Variants in ABCA8 observed in about 807,000 individuals in gnomAD.
ABCA8 encodes ATP binding cassette subfamily A member 8, also known as ABC-type organic anion transporter ABCA8.
ABCA8 carries 177 observed loss-of-function variants against 192.3 expected under a neutral mutation model. The observed-to-expected ratio is 0.92, with a 90% CI of 0.81 to 1.04. ABCA8 has a LOEUF of 1.04. Ranked by LOEUF, ABCA8 falls within the 50% of genes least tolerant of loss-of-function variation. The pLI is 0.00. For missense variants in ABCA8, 1,915 were observed against 1,904.8 expected (o/e 1.01, Z -0.10); for synonymous variants, 642 against 690.2 (o/e 0.93, Z 1.09).
intron 23 of ABCA8, among the ~76,000 whole-genome samples, 173 bp from the exon 24 acceptor site, chr17:68,891,769 A>G (rs990792898): frequency 6.6e-6 from 1 of 152,180 alleles, no homozygotes; most frequent in East Asian, 1.9e-4. Context: ...TTGGCTTTCT[A>G]CTCAAATTTA....
intron 17 of ABCA8, among the ~76,000 whole-genome samples, chr17:68,915,588 C>T (rs1674116059): frequency 6.6e-6 from 1 of 152,116 alleles, no homozygotes. Flanking sequence ...TCATCTCACC[C>T]CAGTTAGAAT....
At chr17:68,900,759 T>C (rs768797652) in intron 21 of ABCA8, among the ~76,000 whole-genome samples, 23 of 152,074 alleles carry the variant, frequency 1.5e-4, no homozygotes, top group African/African-American at 2.2e-4. Flanking sequence ...ATTTATCCTA[T>C]AAATGCAAGG....
At chr17:68,873,281 C>T (rs2066113047) in intron 37 of ABCA8, among the ~76,000 whole-genome samples, 3 of 152,146 alleles carry the variant, frequency 2.0e-5, no homozygotes. Context: ...AGGTTTGTAG[C>T]CTAGGAGCAA....
chr17:68,916,834 T>C (rs772936373), intron 17 of ABCA8, among the ~76,000 whole-genome samples: 22 of 152,246 alleles, frequency 1.4e-4, no homozygotes, highest in Non-Finnish European at 2.6e-4. Context: ...TGCAGATATA[T>C]ATTTTTTAGT....
At chr17:68,883,681 C>G in intron 29 of ABCA8, 110 bp downstream of exon 29, 3 of 675,848 alleles carry the variant, frequency 4.4e-6, no homozygotes. Flanking sequence ...GGTTCCTACT[C>G]CAGCCTATCC....
intron 9 of ABCA8, 83 bp from the exon 10 acceptor site, chr17:68,928,146 G>T (rs914965800): frequency 1.1e-5 from 12 of 1,125,204 alleles, no homozygotes; most frequent in Admixed American, 8.6e-5. Context: ...GTAATGAAAT[G>T]ACTACTTATT....
At chr17:68,869,112 G>A (rs528447090) in intron 38 of ABCA8, among the ~76,000 whole-genome samples, 1 of 152,268 alleles carries the variant, frequency 6.6e-6, no homozygotes, top group East Asian at 1.9e-4. Context: ...CAGAGGATAA[G>A]CAAGCAAAGA....
rs2067221402 is a variant in ABCA8 at position 68,911,246 on chromosome 17, C to T, written c.2139-3367G>A. 6.6e-6 allele frequency among the ~76,000 whole-genome samples: 1 copy of T among 152,130 alleles called. No individual in the cohort carries two copies. Among genetic ancestry groups the T allele is most frequent in the Non-Finnish European group, 1.5e-5 (1 of 68,018 alleles). ...TGCTACCCAGGCCTGGCAGCATGTA[C>T]TACAAGCTGCCTGAAGTCCCTTGGG... On this transcript the variant is annotated intron_variant, in intron 17 of 39. Coordinates refer to ENST00000586539, the MANE Select transcript of ABCA8 (RefSeq NM_001288985.2). This position sits in a 1 kb window ranked among gnomAD's most constrained non-coding sequence, Gnocchi z 5.7.
intron 5 of ABCA8, among the ~76,000 whole-genome samples, chr17:68,935,341 T>C (rs1379805545): frequency 6.6e-6 from 1 of 150,570 alleles, no homozygotes. Context: ...GATCTCGAAC[T>C]CTTGAGCTCA....
intron 17 of ABCA8, among the ~76,000 whole-genome samples, chr17:68,914,454 T>C (rs2067303688): frequency 6.6e-6 from 1 of 151,978 alleles, no homozygotes; most frequent in South Asian, 2.1e-4. Context: ...AAGTTGCAGG[T>C]TACAAAATCA....
intron 17 of ABCA8, among the ~76,000 whole-genome samples, chr17:68,910,589 G>T (rs970428308): frequency 6.6e-6 from 1 of 152,108 alleles, no homozygotes; most frequent in Non-Finnish European, 1.5e-5. Context: ...AAAAGACCTC[G>T]AGAGACACCA....
intron 17 of ABCA8, among the ~76,000 whole-genome samples, chr17:68,909,662 TTC>T (rs1567851957): frequency 6.6e-6 from 1 of 152,112 alleles, no homozygotes; most frequent in African/African-American, 2.4e-5. Flanking sequence ...TTTAATTAAT[TTC>T]CAAGAAGAGA....
Position 68,935,362 on chromosome 17 carries a change from C to G in ABCA8, c.466+1589G>C, listed in dbSNP as rs1414324620. Among the ~76,000 whole-genome samples the G allele has an allele frequency of 3.3e-5, 5 of 151,052 alleles. No individual in the cohort carries two copies. In the South Asian group the frequency reaches 8.4e-4, roughly 25 times the overall value. ...GAACTCTTGAGCTCAGGCAATCTGC[C>G]CGGCTTGGCCTCCCAAAGTGCTAGG... On this transcript the variant is annotated intron_variant, in intron 5 of 39. Transcript: ENST00000586539.
chr17:68,918,051 C>G lies in ABCA8; in HGVS notation c.2043G>C (p.Leu681=). Reference sequence around the variant, plus strand: ...TTAACAGAAACCAGTGATTACCCGCCAGGATGTCGGCCTCATCCATGAACT... The same window carrying G: ...TTAACAGAAACCAGTGATTACCCGCGAGGATGTCGGCCTCATCCATGAACT... ...STQFMDEADI[L]ADRKVFLSQG... The change falls in exon 16 of 40, where the codon CTG becomes CTC. Residue 681 remains leucine (L), a synonymous_variant. Coordinates refer to ENST00000586539, the MANE Select transcript of ABCA8 (RefSeq NM_001288985.2). The G allele has an allele frequency of 6.2e-7, 1 of 1,613,976 alleles. No homozygotes were observed. Among genetic ancestry groups the G allele is most frequent in the Non-Finnish European group, 8.5e-7 (1 of 1,179,974 alleles).
chr17:68,884,845 G>C (rs572787320), intron 27 of ABCA8: 1 of 985,122 alleles, frequency 1.0e-6, no homozygotes. Context: ...TGCTTATCTT[G>C]GGTGCTTCTT....
At chr17:68,954,524 T>A (rs1464384028) in intron 1 of ABCA8, among the ~76,000 whole-genome samples, 1 of 152,204 alleles carries the variant, frequency 6.6e-6, no homozygotes, top group Non-Finnish European at 1.5e-5. Flanking sequence ...CAAATTGTAA[T>A]GACTCATTTT....
In ABCA8 at chr17:68,929,038, T is replaced by A. The variant is rs775393836; in HGVS notation, c.1125+11A>T. On this transcript the variant is annotated intron_variant, in intron 9 of 39. Transcript: ENST00000586539. ...GAAATGCCATTAATAGACATTCAGA[T>A]GGCATCTCACCTGGGCCATTCCAAG... is the stretch of plus-strand genomic sequence containing the variant. 23 of 1,472,340 alleles carry A rather than the reference T, an allele frequency of 1.6e-5. No individual in the cohort carries two copies. In the South Asian group the frequency reaches 2.4e-4, roughly 15 times the overall value. The allele number at this position is 1,472,340 out of a possible 1,614,324, so 91.2% of individuals were successfully genotyped here.
intron 17 of ABCA8, among the ~76,000 whole-genome samples, chr17:68,916,380 T>C (rs1479067120): frequency 2.0e-5 from 3 of 152,108 alleles, no homozygotes; most frequent in African/African-American, 7.2e-5. Flanking sequence ...AAATAGTATA[T>C]AACTGGAATG....
In ABCA8 at chr17:68,885,182, G is replaced by T. The variant is rs1302613974; in HGVS notation, c.3549+14C>A. 8 of 1,609,914 alleles carry T rather than the reference G, an allele frequency of 5.0e-6. No individual in the cohort carries two copies. Among genetic ancestry groups the T allele is most frequent in the Non-Finnish European group, 6.8e-6 (8 of 1,178,104 alleles). The stretch of plus-strand genomic sequence containing the variant: ...GAGTTTCAAGGGACTGGGACAGACT[G>T]TGTCATTACTTACATGAGAAGATAA... On this transcript the variant is annotated intron_variant, in intron 27 of 39. Transcript: ENST00000586539.
Sources: gnomAD v4.1 joint callset for allele counts (sites outside exome capture counted in the v4.1 genomes callset) on GRCh38, gnomAD v4.1.1 for gene constraint, Gnocchi (gnomAD v3.1) non-coding constraint, MANE v1.5 for transcripts, NCBI Gene and HGNC (gene_info 2026-07-23, HGNC 2026-07-21) for gene names.